Variants in KDM1B observed in about 807,000 individuals in gnomAD.
The protein encoded by KDM1B is lysine-specific histone demethylase 2.
Under a neutral mutation model 107.4 loss-of-function variants are expected in KDM1B, and 63 were observed. The ratio of observed to expected loss-of-function variants is 0.59; its 90% CI spans 0.48 to 0.72. KDM1B has a LOEUF of 0.72. Ranked by LOEUF, KDM1B falls within the 30% of genes least tolerant of loss-of-function variation. The pLI, the probability that KDM1B is intolerant of heterozygous loss-of-function variation, is 0.00. For synonymous variants in KDM1B, 363 were observed against 363.9 expected, an observed-to-expected ratio of 1.00 and a Z score of 0.03; for missense variants, 749 against 1,020.8, an observed-to-expected ratio of 0.73 and a Z score of 3.63.
At chr6:18,192,894 A>G (rs1223367572) in intron 10 of KDM1B, among the ~76,000 whole-genome samples, 1 of 152,012 alleles carries the variant, frequency 6.6e-6, no homozygotes, top group Non-Finnish European at 1.5e-5. Context: ...CATAAGATAC[A>G]ATTTATTGTG....
intron 10 of KDM1B, among the ~76,000 whole-genome samples, chr6:18,195,043 A>G (rs1026879189): frequency 3.3e-5 from 5 of 152,218 alleles, no homozygotes; most frequent in Admixed American, 2.6e-4. Flanking sequence ...AGCATATAAT[A>G]TGTGGCCTTT....
At chr6:18,207,047 G>A (rs779447577) in intron 15 of KDM1B, among the ~76,000 whole-genome samples, 4 of 152,084 alleles carry the variant, frequency 2.6e-5, no homozygotes, top group Middle Eastern at 3.2e-3. Context: ...CTATTCTGTA[G>A]AGCTTCCATG....
At chr6:18,217,450 C>G (rs1272986992) in intron 20 of KDM1B, among the ~76,000 whole-genome samples, 2 of 149,240 alleles carry the variant, frequency 1.3e-5, no homozygotes, top group Non-Finnish European at 3.0e-5. Flanking sequence ...GCGATCTCGG[C>G]TCACTGCAAG....
At chr6:18,174,482 T>G (rs1313869787) in intron 7 of KDM1B, among the ~76,000 whole-genome samples, 2 of 152,180 alleles carry the variant, frequency 1.3e-5, no homozygotes, top group African/African-American at 4.8e-5. Flanking sequence ...TTTATTTTTC[T>G]GTAGGTTATT....
At chr6:18,174,176 C>T (rs1030616097) in intron 7 of KDM1B, among the ~76,000 whole-genome samples, 4 of 152,158 alleles carry the variant, frequency 2.6e-5, no homozygotes, top group African/African-American at 9.7e-5. Flanking sequence ...TTACCCAATG[C>T]TCTGCTGTCA....
rs564192531 is a variant in KDM1B, at chr6:18,219,055, A to C, written c.2385+1170A>C. Among the ~76,000 whole-genome samples, 10 of 152,096 alleles carry C rather than the reference A, an allele frequency of 6.6e-5. 1 individual carries two copies. In the East Asian group the frequency reaches 1.9e-3, roughly 29 times the overall value. On this transcript the variant is annotated intron_variant, in intron 21 of 21. Coordinates refer to ENST00000650836, the MANE Select transcript of KDM1B (RefSeq NM_001364614.2). ...ATAGCTGGGACCACAGGCGCCCGCC[A>C]CCACGCCCGACTAATTTTTTGTATT...
Position 18,222,067 on chromosome 6 carries a change from A to T in KDM1B, c.*75A>T, listed in dbSNP as rs745977111. 4.0e-5 allele frequency: 53 copies of T among 1,324,182 alleles called. No homozygotes were observed. The East Asian group carries it at 9.2e-4, about 23-fold the overall frequency. 82.0% of individuals were successfully genotyped at this position (1,324,182 alleles called of 1,614,324 possible). A position where few individuals can be genotyped will look rare whatever the true frequency, so the allele number is the denominator to read the frequency against. On this transcript the variant is annotated 3_prime_UTR_variant, in exon 22 of 22. Coordinates refer to ENST00000650836, the MANE Select transcript of KDM1B (RefSeq NM_001364614.2). ...ATCACATGTTAAACCTCAGTTTTATAAGAGGGGGAAAAAACCGTCTCTACA... is the reference window on the plus strand; with the variant it reads ...ATCACATGTTAAACCTCAGTTTTATTAGAGGGGGAAAAAACCGTCTCTACA...
intron 17 of KDM1B, among the ~76,000 whole-genome samples, chr6:18,210,840 C>T (rs1057179536): frequency 9.9e-5 from 15 of 152,142 alleles, no homozygotes; most frequent in African/African-American, 2.9e-4. Context: ...CTCTACCAAA[C>T]ATAAAAAAAT....
At chr6:18,185,450 T>C (rs1267767720) in intron 7 of KDM1B, among the ~76,000 whole-genome samples, 1 of 152,172 alleles carries the variant, frequency 6.6e-6, no homozygotes, top group Non-Finnish European at 1.5e-5. Flanking sequence ...TACAGGCACC[T>C]GCCACTATGC....
chr6:18,213,363 A>C lies in KDM1B; in HGVS notation c.1984-293A>C, dbSNP rs144276920. 8.7e-4 allele frequency among the ~76,000 whole-genome samples: 132 copies of C among 151,962 alleles called. 1 individual carries two copies. In the East Asian group the frequency reaches 0.011, roughly 13 times the overall value. Reference sequence around the variant, plus strand: ...AGGCAGGAGAATCACTCGAAACCGGAAAGTGGAGGCTGCAGTGAGCCAAGA... The same window carrying C: ...AGGCAGGAGAATCACTCGAAACCGGCAAGTGGAGGCTGCAGTGAGCCAAGA... On this transcript the variant is annotated intron_variant, in intron 18 of 21. Coordinates refer to ENST00000650836, the MANE Select transcript of KDM1B (RefSeq NM_001364614.2). The surrounding 1 kb of genome is among the most constrained non-coding windows in gnomAD (Gnocchi z 5.9).
intron 10 of KDM1B, among the ~76,000 whole-genome samples, chr6:18,195,963 A>G (rs1787620546): frequency 6.6e-6 from 1 of 152,084 alleles, no homozygotes; most frequent in Non-Finnish European, 1.5e-5. Context: ...GAAATTTTTT[A>G]TCCTTTGACC....
In KDM1B at chr6:18,205,323, A is replaced by G. The variant is rs968344810; in HGVS notation, c.1532-214A>G. 1.3e-5 allele frequency among the ~76,000 whole-genome samples: 2 copies of G among 152,136 alleles called. No individual in the cohort carries two copies. Among genetic ancestry groups the G allele is most frequent in the African/African-American group, 2.4e-5 (1 of 41,438 alleles). ...TGTGCACATGTACCCTAAAACTTAA[A>G]GTATAATAATAATAAAATTAAAAAA... is the stretch of plus-strand genomic sequence containing the variant. On this transcript the variant is annotated intron_variant, in intron 14 of 21. Transcript: ENST00000650836. The surrounding 1 kb of genome is among the most constrained non-coding windows in gnomAD (Gnocchi z 5.7).
At position 18,222,083 on chromosome 6, in the gene KDM1B, C is replaced by A. The variant is rs564943740; in HGVS notation, c.*91C>A. 6.4e-5 allele frequency: 72 copies of A among 1,116,832 alleles called. No homozygotes were observed. The Admixed American group carries it at 1.1e-3, about 17-fold the overall frequency. The allele number at this position is 1,116,832 out of a possible 1,614,324, so 69.2% of individuals were successfully genotyped here. ...CAGTTTTATAAGAGGGGGAAAAAACCGTCTCTACATAGTAAAACTGAAATG... is the reference window on the plus strand; with the variant it reads ...CAGTTTTATAAGAGGGGGAAAAAACAGTCTCTACATAGTAAAACTGAAATG... On this transcript the variant is annotated 3_prime_UTR_variant, in exon 22 of 22. Coordinates refer to ENST00000650836, the MANE Select transcript of KDM1B (RefSeq NM_001364614.2).
chr6:18,193,595 C>T (rs1787439261), intron 10 of KDM1B, among the ~76,000 whole-genome samples: 1 of 152,030 alleles, frequency 6.6e-6, no homozygotes, highest in African/African-American at 2.4e-5. Flanking sequence ...AGCCACCACA[C>T]CTGGCCTTGA....
At chr6:18,210,322 CT>C (rs1212812073) in intron 17 of KDM1B, among the ~76,000 whole-genome samples, 1 of 73,870 alleles carries the variant, frequency 1.4e-5, no homozygotes, top group South Asian at 3.6e-4. Context: ...GCTTTTCTTT[CT>C]TTTTTTTCTC....
intron 6 of KDM1B, among the ~76,000 whole-genome samples, chr6:18,168,459 G>A (rs752780221): frequency 3.3e-5 from 5 of 152,134 alleles, no homozygotes; most frequent in African/African-American, 1.2e-4. Flanking sequence ...TTTTATGGGT[G>A]AATAATACTC....
rs890084680 is a variant in KDM1B, at chr6:18,203,482, C to G, written c.1531+1825C>G. On this transcript the variant is annotated intron_variant, in intron 14 of 21. Coordinates refer to ENST00000650836, the MANE Select transcript of KDM1B (RefSeq NM_001364614.2). This position sits in a 1 kb window ranked among gnomAD's most constrained non-coding sequence, Gnocchi z 5.5. ...TTACCAGCACAAAGCTGGGGAAACT[C>G]AAATCTAAATACTAAGGGACTAGAT... Among the ~76,000 whole-genome samples, 1 of 152,124 alleles carries G rather than the reference C, an allele frequency of 6.6e-6. No individual in the cohort carries two copies. Among genetic ancestry groups the G allele is most frequent in the Non-Finnish European group, 1.5e-5 (1 of 68,034 alleles).
At chr6:18,180,668 C>T (rs755509783) in intron 7 of KDM1B, among the ~76,000 whole-genome samples, 6 of 152,228 alleles carry the variant, frequency 3.9e-5, no homozygotes, top group African/African-American at 9.6e-5. Flanking sequence ...CAGGTTCAAG[C>T]GATTCTCCCA....
At position 18,159,135 on chromosome 6, in the gene KDM1B, T is replaced by G. The variant is rs1784811918; in HGVS notation, c.-13-748T>G. 6.6e-6 allele frequency among the ~76,000 whole-genome samples: 1 copy of G among 152,160 alleles called. No homozygotes were observed. The highest frequency in any genetic ancestry group is 1.5e-5 in the Non-Finnish European group (1 of 68,024). On this transcript the variant is annotated intron_variant, in intron 2 of 21. Coordinates refer to ENST00000650836, the MANE Select transcript of KDM1B (RefSeq NM_001364614.2). The surrounding 1 kb of genome is among the most constrained non-coding windows in gnomAD (Gnocchi z 4.5). Reference sequence around the variant, plus strand: ...GGCACGCGCCTCCATGCCTGGCTAATTTTTGTATTTTTAGTACAGACGGGG... The same window carrying G: ...GGCACGCGCCTCCATGCCTGGCTAAGTTTTGTATTTTTAGTACAGACGGGG...
Sources: gnomAD v4.1 joint callset for allele counts (sites outside exome capture counted in the v4.1 genomes callset) on GRCh38, gnomAD v4.1.1 for gene constraint, Gnocchi (gnomAD v3.1) non-coding constraint, MANE v1.5 for transcripts, NCBI Gene and HGNC (gene_info 2026-07-23, HGNC 2026-07-21) for gene names.